The following CACNA1G variants were observed in gnomAD, a reference collection of about 807,000 sequenced individuals.
CACNA1G encodes the protein voltage-dependent T-type calcium channel subunit alpha-1G.
In CACNA1G, 67 loss-of-function variants were observed where a neutral mutation model predicts 219.4. The observed-to-expected ratio is 0.31, with a 90% CI of 0.25 to 0.37. The LOEUF (loss-of-function observed/expected upper bound fraction) is 0.37, where lower values mean the gene tolerates loss of function less well. Ranked by LOEUF, CACNA1G falls within the 10% of genes least tolerant of loss-of-function variation. The pLI, the probability that CACNA1G is intolerant of heterozygous loss-of-function variation, is 1.00. For synonymous variants in CACNA1G, 1,296 were observed against 1,345.3 expected, an observed-to-expected ratio of 0.96 and a Z score of 0.80; for missense variants, 2,380 against 3,231.4, an observed-to-expected ratio of 0.74 and a Z score of 6.39.
rs771367341 is a variant in CACNA1G, at chr17:50,607,822, G to A, written c.4513-5G>A. On this transcript the variant is annotated splice_region_variant and splice_polypyrimidine_tract_variant and intron_variant, in intron 24 of 37. Coordinates refer to ENST00000359106, the MANE Select transcript of CACNA1G (RefSeq NM_018896.5). ...CCTCCGCCTGTCCTTCCTGCTCCCC[G>A]CCAGCCCATCATGAACCACAACCCC... 39 of 1,612,740 alleles carry A rather than the reference G, an allele frequency of 2.4e-5. No homozygotes were observed. The South Asian group carries it at 2.9e-4, about 12-fold the overall frequency.
rs1014454196 is a variant in CACNA1G, at chr17:50,584,706, G to A, written c.2302-5765G>A. Among the ~76,000 whole-genome samples, 3 of 151,926 alleles carry A rather than the reference G, an allele frequency of 2.0e-5. No homozygotes were observed. The South Asian group carries it at 6.2e-4, about 32-fold the overall frequency. On this transcript the variant is annotated intron_variant, in intron 9 of 37. Transcript: ENST00000359106. ...TCCAGGAGAGGAAGAGAGACAGTGG[G>A]ATGCACAACACAGAGCTCTTTGGAG...
chr17:50,626,441 T>C lies in CACNA1G; in HGVS notation c.6824T>C (p.Leu2275Pro), dbSNP rs370540873. The change falls in exon 38 of 38, where the codon CTG becomes CCG. Residue 2275 changes from leucine (L) to proline (P), a missense_variant. Around this residue, in one of 17 missense-constraint regions of CACNA1G, gnomAD observed 672 missense variants for 670.5 expected, o/e 1.00. Transcript: ENST00000359106. This position sits in a 1 kb window ranked among gnomAD's most constrained non-coding sequence, Gnocchi z 4.3. ...QRRHSIAVSC[L>P]DSGSQPHLGT... ...AGACACTCTATCGCCGTCAGCTGCC[T>C]GGACAGCGGCTCCCAACCCCACCTG... The C allele has an allele frequency of 2.0e-4, 320 of 1,606,116 alleles. 1 individual carries two copies. Among genetic ancestry groups the C allele is most frequent in the Middle Eastern group, 9.9e-4 (6 of 6,080 alleles).
chr17:50,585,448 C>T (rs1159577272), intron 9 of CACNA1G, among the ~76,000 whole-genome samples: 2 of 152,180 alleles, frequency 1.3e-5, no homozygotes, highest in African/African-American at 2.4e-5. Flanking sequence ...ATCATGTCAC[C>T]TACACCCCAA....
rs776526576 is a variant in CACNA1G at position 50,627,330 on chromosome 17, G to A, written c.*579G>A. Reference sequence around the variant, plus strand: ...GTAACTTATTTTTTCCTTTAACCTCGTCATCATTTTCTGTAGGGAAAAAAA... The same window carrying A: ...GTAACTTATTTTTTCCTTTAACCTCATCATCATTTTCTGTAGGGAAAAAAA... On this transcript the variant is annotated 3_prime_UTR_variant, in exon 38 of 38. Transcript: ENST00000359106. 1.8e-5 allele frequency: 7 copies of A among 390,900 alleles called. No individual in the cohort carries two copies. Among genetic ancestry groups the A allele is most frequent in the Non-Finnish European group, 3.0e-5 (6 of 197,214 alleles). 24.2% of individuals were successfully genotyped at this position (390,900 alleles called of 1,614,324 possible).
Position 50,621,874 on chromosome 17 carries a change from G to T in CACNA1G, c.6060+80G>T. 2 of 1,502,928 alleles carry T rather than the reference G, an allele frequency of 1.3e-6. No homozygotes were observed. The highest frequency in any genetic ancestry group is 1.8e-6 in the Non-Finnish European group (2 of 1,095,192). 93.1% of individuals were successfully genotyped at this position (1,502,928 alleles called of 1,614,324 possible). On this transcript the variant is annotated intron_variant, in intron 35 of 37. Transcript: ENST00000359106. This position sits in a 1 kb window ranked among gnomAD's most constrained non-coding sequence, Gnocchi z 4.6. The stretch of plus-strand genomic sequence containing the variant: ...CAGGGCTCCAGATCGGCCCAGGGAG[G>T]GTCCTGGGGCCGCCTCCTCTCAGTT...
intron 13 of CACNA1G, among the ~76,000 whole-genome samples, chr17:50,593,903 C>T (rs151024223): frequency 3.3e-4 from 51 of 152,328 alleles, no homozygotes; most frequent in African/African-American, 9.9e-4. Context: ...GAGTGTCCTT[C>T]GATGCCCATG....
chr17:50,574,035 C>T (rs1041071059), intron 7 of CACNA1G, among the ~76,000 whole-genome samples: 2 of 152,200 alleles, frequency 1.3e-5, no homozygotes, highest in African/African-American at 4.8e-5. Context: ...TCACTGCTGA[C>T]GTATGCTGTA....
rs760570893 is a variant in CACNA1G at position 50,600,732 on chromosome 17, G to C, written c.3697G>C (p.Gly1233Arg). The C allele has an allele frequency of 2.0e-5, 33 of 1,613,650 alleles. 1 individual carries two copies. In the South Asian group the frequency reaches 3.3e-4, roughly 16 times the overall value. The stretch of plus-strand genomic sequence containing the variant: ...TCCAGTGTTTGTTCTGCAGAGCAAA[G>C]GGGAACGGGTCCGCGCGTGGATCCG... Reference protein sequence around the residue: ...DADDEGNLSKGERVRAWIRAR... With the variant: ...DADDEGNLSKRERVRAWIRAR... The change falls in exon 18 of 38, where the codon GGG becomes CGG. Residue 1233 changes from glycine to arginine, a missense_variant. This residue lies in a region of CACNA1G where 418 missense variants were observed against 434.3 expected (regional missense o/e 0.96). Coordinates refer to ENST00000359106, the MANE Select transcript of CACNA1G (RefSeq NM_018896.5). This position sits in a 1 kb window ranked among gnomAD's most constrained non-coding sequence, Gnocchi z 4.1.
chr17:50,589,378 G>C (rs976722378), intron 9 of CACNA1G, among the ~76,000 whole-genome samples: 2 of 152,156 alleles, frequency 1.3e-5, no homozygotes, highest in African/African-American at 2.4e-5. Flanking sequence ...TGAACTCCCG[G>C]ACTTGCTGCC....
intron 7 of CACNA1G, among the ~76,000 whole-genome samples, chr17:50,574,498 A>G (rs2040184044): frequency 6.6e-6 from 1 of 152,162 alleles, no homozygotes; most frequent in Admixed American, 6.5e-5. Flanking sequence ...GCCTGTTCCC[A>G]TCCCTGGCCA....
chr17:50,592,822 G>A (rs1004709460), intron 13 of CACNA1G, among the ~76,000 whole-genome samples: 6 of 152,088 alleles, frequency 3.9e-5, no homozygotes, highest in Admixed American at 2.0e-4. Flanking sequence ...ACCTAGAAAC[G>A]CTCCAGGTTG....
rs7359536 is a variant in CACNA1G, at chr17:50,591,292, A to G, written c.2454-143A>G. On this transcript the variant is annotated intron_variant, in intron 10 of 37. Coordinates refer to ENST00000359106, the MANE Select transcript of CACNA1G (RefSeq NM_018896.5). ...CTCACTATCTTGGAGGCTCCTGCTT[A>G]GAGGTCTGGGGGCCCACCTGTGCCC... The G allele has an allele frequency of 0.42, 308,366 of 738,244 alleles. 70,539 individuals are homozygous for G. The highest frequency in any genetic ancestry group is 0.91 in the East Asian group (32,305 of 35,446). 45.7% of individuals were successfully genotyped at this position (738,244 alleles called of 1,614,324 possible).
intron 26 of CACNA1G, among the ~76,000 whole-genome samples, chr17:50,612,079 C>CA (rs1174085281): frequency 6.6e-6 from 1 of 152,252 alleles, no homozygotes; most frequent in East Asian, 1.9e-4. Flanking sequence ...CAGAGCTTTT[C>CA]AAACTTCCAT....
At position 50,621,170 on chromosome 17, in the gene CACNA1G, AAAC is replaced by A. The variant is rs1170109161; in HGVS notation, c.5926-488_5926-486del. ...GTTGGAAGCCGAGAGAATAGGCAGA[AAAC>A]AGCCGTCAGATTGGTGGCATTGTCG... On this transcript the variant is annotated intron_variant, in intron 34 of 37. Coordinates refer to ENST00000359106, the MANE Select transcript of CACNA1G (RefSeq NM_018896.5). The surrounding 1 kb of genome is among the most constrained non-coding windows in gnomAD (Gnocchi z 4.6). Among the ~76,000 whole-genome samples, 1 of 152,130 alleles carries A rather than the reference AAAC, an allele frequency of 6.6e-6. No individual in the cohort carries two copies. Among genetic ancestry groups the A allele is most frequent in the Non-Finnish European group, 1.5e-5 (1 of 68,010 alleles).
At position 50,621,649 on chromosome 17, in the gene CACNA1G, T is replaced by A; in HGVS notation, c.5926-11T>A. 1 of 1,613,510 alleles carries A rather than the reference T, an allele frequency of 6.2e-7. No homozygotes were observed. The highest frequency in any genetic ancestry group is 1.3e-5 in the African/African-American group (1 of 75,060). Reference sequence around the variant, plus strand: ...GGTTTCTCATGCCTGATCATCTCTCTCCCTGTCTAGATCCCTCTAGCTGAG... The same window carrying A: ...GGTTTCTCATGCCTGATCATCTCTCACCCTGTCTAGATCCCTCTAGCTGAG... On this transcript the variant is annotated splice_polypyrimidine_tract_variant and intron_variant, in intron 34 of 37. Coordinates refer to ENST00000359106, the MANE Select transcript of CACNA1G (RefSeq NM_018896.5). This position sits in a 1 kb window ranked among gnomAD's most constrained non-coding sequence, Gnocchi z 4.6.
At chr17:50,584,659 G>C (rs1034438880) in intron 9 of CACNA1G, among the ~76,000 whole-genome samples, 1 of 152,076 alleles carries the variant, frequency 6.6e-6, no homozygotes, top group African/African-American at 2.4e-5. Context: ...CAAAGTGCAG[G>C]TGGAGGAACG....
chr17:50,568,854 C>T lies in CACNA1G; in HGVS notation c.243-16C>T, dbSNP rs1249558581. The T allele has an allele frequency of 3.1e-6, 5 of 1,609,414 alleles. No homozygotes were observed. Among genetic ancestry groups the T allele is most frequent in the African/African-American group, 2.7e-5 (2 of 74,844 alleles). On this transcript the variant is annotated splice_polypyrimidine_tract_variant and intron_variant, in intron 1 of 37. Transcript: ENST00000359106. ...CAGCTCCAGCCTTGGCCAGCTGTTT[C>T]CTTGACTGCCAGTACCTGGTTTGAG...
intron 4 of CACNA1G, among the ~76,000 whole-genome samples, chr17:50,570,702 G>A (rs370384366): frequency 1.3e-5 from 2 of 152,184 alleles, no homozygotes; most frequent in South Asian, 4.1e-4. Flanking sequence ...CTCCTCTCCC[G>A]CCCCAGGTGA....
chr17:50,568,918 C>T lies in CACNA1G; in HGVS notation c.291C>T (p.Thr97=). Residue 97 remains threonine (T), a synonymous_variant, in exon 2 of 38, where the codon ACC becomes ACT. Transcript: ENST00000359106. The part of the protein sequence containing the change: ...SMLVILLNCV[T]LGMFRPCEDI... ...TGGTCATCCTTCTCAACTGCGTGACCCTGGGCATGTTCCGGCCATGCGAGG... is the reference window on the plus strand; with the variant it reads ...TGGTCATCCTTCTCAACTGCGTGACTCTGGGCATGTTCCGGCCATGCGAGG... 6.2e-7 allele frequency: 1 copy of T among 1,613,606 alleles called. No homozygotes were observed. The highest frequency in any genetic ancestry group is 1.1e-5 in the South Asian group (1 of 91,078).
Sources: gnomAD v4.1 joint callset for allele counts (sites outside exome capture counted in the v4.1 genomes callset) on GRCh38, gnomAD v4.1.1 for gene constraint, gnomAD v4.1.1 regional missense constraint, Gnocchi (gnomAD v3.1) non-coding constraint, MANE v1.5 for transcripts, NCBI Gene and HGNC (gene_info 2026-07-23, HGNC 2026-07-21) for gene names.